KANK1: variants seen among roughly 807,000 people sequenced by gnomAD.
KANK1 encodes KN motif and ankyrin repeat domain-containing protein 1.
Under a neutral mutation model 106.2 loss-of-function variants are expected in KANK1, and 109 were observed. That is an observed-to-expected ratio of 1.03 (90% CI 0.88 to 1.20). The LOEUF is 1.20. KANK1 is among the 50% of genes most tolerant of loss of function. KANK1 has a pLI of 0.00. For synonymous variants in KANK1, 873 were observed against 652.2 expected, an observed-to-expected ratio of 1.34 and a Z score of -5.16; for missense variants, 2,399 against 1,710.7, an observed-to-expected ratio of 1.40 and a Z score of -7.10.
At chr9:660,334 G>C (rs1843016990) in intron 1 of KANK1, 1 of 209,094 alleles carries the variant, frequency 4.8e-6, no homozygotes, top group Admixed American at 4.5e-5. Context: ...TAACTGCTGT[G>C]GCTCGCTGAA....
At chr9:700,772 A>G (rs1201858270) in intron 2 of KANK1, among the ~76,000 whole-genome samples, 1 of 152,166 alleles carries the variant, frequency 6.6e-6, no homozygotes, top group Non-Finnish European at 1.5e-5. Flanking sequence ...GCGAAGAAAA[A>G]CACATAAATA....
intron 3 of KANK1, among the ~76,000 whole-genome samples, chr9:495,868 G>T (rs1393367368): frequency 6.6e-6 from 1 of 152,140 alleles, no homozygotes; most frequent in Admixed American, 6.5e-5. Context: ...GGTGCTATAA[G>T]GTTAAGATCA....
chr9:484,497 G>C (rs1284448774), intron 3 of KANK1: 1 of 152,210 alleles, frequency 6.6e-6, no homozygotes, highest in Non-Finnish European at 1.5e-5. Flanking sequence ...CTCAAGCACT[G>C]TAAGCATTGT....
intron 3 of KANK1, among the ~76,000 whole-genome samples, chr9:486,960 T>G (rs2058303894): frequency 6.6e-6 from 1 of 152,238 alleles, no homozygotes; most frequent in South Asian, 2.1e-4. Context: ...TATTGATATT[T>G]AATATGATAT....
chr9:532,499 A>C (rs1231254215), intron 1 of KANK1, among the ~76,000 whole-genome samples: 7 of 151,354 alleles, frequency 4.6e-5, no homozygotes, highest in Non-Finnish European at 8.8e-5. Context: ...TCCTAAATAG[A>C]AACTCTGCAC....
In KANK1 at chr9:596,375, G is replaced by A. The variant is rs527272588; in HGVS notation, c.-83-80515G>A. On this transcript the variant is annotated intron_variant, in intron 1 of 11. Transcript: ENST00000382297. ...GGGAGGGTGTAGAACTTCTTTTAAT[G>A]TACATCACTGTAGGTTAAGTTCGGG... 1.1e-4 allele frequency among the ~76,000 whole-genome samples: 16 copies of A among 151,762 alleles called. 1 individual carries two copies. The highest frequency in any genetic ancestry group is 3.9e-4 in the Admixed American group (6 of 15,274).
chr9:611,229 A>G (rs865996432), intron 1 of KANK1, among the ~76,000 whole-genome samples: 6 of 152,120 alleles, frequency 3.9e-5, no homozygotes, highest in Admixed American at 6.5e-5. Context: ...GCTTTCTACT[A>G]AAAACAACAG....
chr9:587,791 C>A (rs1823868651), intron 1 of KANK1, among the ~76,000 whole-genome samples: 1 of 152,178 alleles, frequency 6.6e-6, no homozygotes, highest in Non-Finnish European at 1.5e-5. Flanking sequence ...ATTAGCCAGG[C>A]ACAGTGGCTC....
At chr9:732,334 C>T (rs764762578) in intron 5 of KANK1, 44 bp from the exon 6 acceptor site, 67 of 1,578,062 alleles carry the variant, frequency 4.2e-5, no homozygotes, top group Non-Finnish European at 5.4e-5. Context: ...ACTGGGTCTT[C>T]GTGAGCACAC....
chr9:527,861 T>C (rs2059866883), intron 1 of KANK1, among the ~76,000 whole-genome samples: 1 of 151,246 alleles, frequency 6.6e-6, no homozygotes, highest in Admixed American at 6.6e-5. Flanking sequence ...TTTAAAAGTT[T>C]TTAGGGGCGG....
intron 1 of KANK1, among the ~76,000 whole-genome samples, chr9:666,564 A>C (rs1041452049): frequency 6.6e-6 from 1 of 152,046 alleles, no homozygotes; most frequent in African/African-American, 2.4e-5. Flanking sequence ...GTTTGGTATG[A>C]TGTTGGCTGT....
rs57837964 is a variant in KANK1, at chr9:690,133, C to CAAAAAA, written c.37+13142_37+13147dup. On this transcript the variant is annotated intron_variant, in intron 2 of 11. Coordinates refer to ENST00000382297, the MANE Select transcript of KANK1 (RefSeq NM_015158.5). ...TGAAACCCCATCTCTTCTAAAAATA[C>CAAAAAA]AAAAAAAAAAAAAAAAAAAAAAACT... Among the ~76,000 whole-genome samples, 277 of 61,646 alleles carry CAAAAAA rather than the reference C, an allele frequency of 4.5e-3. 16 individuals are homozygous for CAAAAAA. Among genetic ancestry groups the CAAAAAA allele is most frequent in the Non-Finnish European group, 6.2e-3 (228 of 36,924 alleles). 40.4% of individuals were successfully genotyped at this position (61,646 alleles called of 152,430 possible). A position where few individuals can be genotyped will look rare whatever the true frequency, so the allele number is the denominator to read the frequency against.
At chr9:699,925 T>A (rs1822235484) in intron 2 of KANK1, among the ~76,000 whole-genome samples, 1 of 152,156 alleles carries the variant, frequency 6.6e-6, no homozygotes, top group African/African-American at 2.4e-5. Context: ...AAGGCTGCAG[T>A]GAGCTGTGAT....
intron 1 of KANK1, among the ~76,000 whole-genome samples, chr9:521,623 A>G (rs997967279): frequency 6.9e-5 from 10 of 145,470 alleles, no homozygotes; most frequent in African/African-American, 2.4e-4. Flanking sequence ...CTGGAGTGCA[A>G]TGGTGTGATC....
intron 1 of KANK1, among the ~76,000 whole-genome samples, chr9:521,355 A>C (rs1401320963): frequency 2.0e-5 from 3 of 151,454 alleles, no homozygotes; most frequent in Non-Finnish European, 4.4e-5. Context: ...TTTATGAGAA[A>C]GCTGAAGTCT....
At chr9:560,095 G>T (rs1815994520) in intron 1 of KANK1, among the ~76,000 whole-genome samples, 1 of 152,202 alleles carries the variant, frequency 6.6e-6, no homozygotes, top group Admixed American at 6.5e-5. Context: ...GGGAGAAGAA[G>T]GGATAGTTTG....
chr9:725,764 G>A (rs1028711457), intron 3 of KANK1, among the ~76,000 whole-genome samples: 6 of 152,230 alleles, frequency 3.9e-5, no homozygotes, highest in African/African-American at 1.4e-4. Flanking sequence ...ATAGAACTCA[G>A]AGCAGTTTTA....
chr9:611,172 C>T (rs575632398), intron 1 of KANK1, among the ~76,000 whole-genome samples: 79 of 152,276 alleles, frequency 5.2e-4, no homozygotes, highest in African/African-American at 1.8e-3. Context: ...AGAGATGTCG[C>T]TGTCAGCCCC....
chr9:518,408 C>CAGTTT (rs1554608883), intron 1 of KANK1, among the ~76,000 whole-genome samples: 3 of 151,536 alleles, frequency 2.0e-5, no homozygotes, highest in Non-Finnish European at 4.4e-5. Context: ...TGGCCCAGGG[C>CAGTTT]AGTTTTTACT....
Sources: gnomAD v4.1 joint callset for allele counts (sites outside exome capture counted in the v4.1 genomes callset) on GRCh38, gnomAD v4.1.1 for gene constraint, MANE v1.5 for transcripts, NCBI Gene and HGNC (gene_info 2026-07-23, HGNC 2026-07-21) for gene names.